Variants in TSHZ2 observed in about 807,000 individuals in gnomAD.
TSHZ2 encodes teashirt zinc finger homeobox 2.
TSHZ2 carries 21 observed loss-of-function variants against 74.4 expected under a neutral mutation model. The ratio of observed to expected loss-of-function variants is 0.28; its 90% CI spans 0.20 to 0.41. The LOEUF is 0.41. TSHZ2 is among the 10% of genes least tolerant of loss of function. The pLI is 1.00. For synonymous variants in TSHZ2, 540 were observed against 515.3 expected (o/e 1.05, Z -0.65); for missense variants, 1,244 against 1,293.5 (o/e 0.96, Z 0.59).
chr20:53,022,969 G>A (rs949511471), intron 1 of TSHZ2, among the ~76,000 whole-genome samples: 1 of 135,518 alleles, frequency 7.4e-6, no homozygotes, highest in African/African-American at 2.5e-5. Flanking sequence ...TGTCTAAACT[G>A]GTTTTCCAGG....
At chr20:53,462,566 C>A (rs188859542) in intron 2 of TSHZ2, among the ~76,000 whole-genome samples, 2 of 152,204 alleles carry the variant, frequency 1.3e-5, no homozygotes, top group Non-Finnish European at 1.5e-5. Flanking sequence ...GAACCTTCTA[C>A]GCAAGCTTCC....
At chr20:53,466,119 T>C (rs776015415) in intron 2 of TSHZ2, among the ~76,000 whole-genome samples, 1 of 152,054 alleles carries the variant, frequency 6.6e-6, no homozygotes, top group African/African-American at 2.4e-5. Flanking sequence ...TGATGGCACA[T>C]GCCTGTAATC....
At chr20:53,466,523 T>C (rs1189620795) in intron 2 of TSHZ2, among the ~76,000 whole-genome samples, 1 of 152,146 alleles carries the variant, frequency 6.6e-6, no homozygotes, top group Non-Finnish European at 1.5e-5. Context: ...GCTGTCCAGG[T>C]TGTTTATGGT....
chr20:52,976,277 C>T (rs906480408), intron 1 of TSHZ2, among the ~76,000 whole-genome samples: 1 of 152,186 alleles, frequency 6.6e-6, no homozygotes, highest in African/African-American at 2.4e-5. Flanking sequence ...AAGGAAACAG[C>T]TAAATCAGAG....
chr20:53,378,115 C>T (rs1021386129), intron 2 of TSHZ2, among the ~76,000 whole-genome samples: 2 of 151,866 alleles, frequency 1.3e-5, no homozygotes, highest in Admixed American at 6.6e-5. Context: ...CCGAGGCGGG[C>T]GATCACCTGA....
chr20:52,992,664 A>G (rs749902473), intron 1 of TSHZ2, among the ~76,000 whole-genome samples: 13 of 152,196 alleles, frequency 8.5e-5, no homozygotes, highest in South Asian at 2.1e-4. Flanking sequence ...TTTTCTTTAA[A>G]AGAGGTGAAA....
At chr20:53,098,417 T>G (rs1438270270) in intron 1 of TSHZ2, among the ~76,000 whole-genome samples, 1 of 152,204 alleles carries the variant, frequency 6.6e-6, no homozygotes, top group Non-Finnish European at 1.5e-5. Flanking sequence ...TCACAGCCAT[T>G]TTGTTCATTC....
chr20:53,107,139 C>T (rs1209134145), intron 1 of TSHZ2, among the ~76,000 whole-genome samples: 2 of 152,166 alleles, frequency 1.3e-5, no homozygotes, highest in Non-Finnish European at 2.9e-5. Flanking sequence ...ATGACTTGAC[C>T]TTCTCCCACA....
intron 1 of TSHZ2, among the ~76,000 whole-genome samples, chr20:53,016,323 A>G (rs992146148): frequency 5.3e-5 from 8 of 152,196 alleles, no homozygotes; most frequent in African/African-American, 1.9e-4. Context: ...CATAACTTCC[A>G]TTAAAGCCTC....
At chr20:53,380,004 T>A (rs1465610577) in intron 2 of TSHZ2, among the ~76,000 whole-genome samples, 1 of 152,126 alleles carries the variant, frequency 6.6e-6, no homozygotes, top group African/African-American at 2.4e-5. Context: ...AAAACTAGTT[T>A]TGTGAAACCG....
intron 1 of TSHZ2, among the ~76,000 whole-genome samples, chr20:53,145,154 G>A (rs767172869): frequency 1.3e-5 from 2 of 152,130 alleles, no homozygotes; most frequent in Admixed American, 6.5e-5. Context: ...TCATCCCAAG[G>A]TTCAAAGCCC....
chr20:53,316,953 A>G (rs878903199), intron 2 of TSHZ2, among the ~76,000 whole-genome samples: 2 of 152,140 alleles, frequency 1.3e-5, no homozygotes, highest in South Asian at 4.1e-4. Flanking sequence ...GCTGCCTACA[A>G]TCCCACCATT....
chr20:52,987,117 C>A (rs1981798161), intron 1 of TSHZ2, among the ~76,000 whole-genome samples: 1 of 152,222 alleles, frequency 6.6e-6, no homozygotes, highest in South Asian at 2.1e-4. Flanking sequence ...GGAATCTCCT[C>A]TCCCAGGATA....
intron 2 of TSHZ2, among the ~76,000 whole-genome samples, chr20:53,420,299 A>C (rs987971623): frequency 6.6e-6 from 1 of 152,202 alleles, no homozygotes; most frequent in African/African-American, 2.4e-5. Context: ...TCAGCCGGGC[A>C]TGCAGATATC....
chr20:53,371,876 A>G (rs1981485054), intron 2 of TSHZ2, among the ~76,000 whole-genome samples: 1 of 137,212 alleles, frequency 7.3e-6, no homozygotes, highest in Non-Finnish European at 1.5e-5. Flanking sequence ...CTCCGTCTCA[A>G]AAAAAAAAAA....
intron 2 of TSHZ2, among the ~76,000 whole-genome samples, chr20:53,463,435 G>A (rs3971379): frequency 0.064 from 7,224 of 113,710 alleles, 469 homozygotes; most frequent in Middle Eastern, 0.075. Flanking sequence ...AGGAAGGAAG[G>A]AGGGAGGGAG....
At chr20:52,978,099 C>T (rs149819473) in intron 1 of TSHZ2, among the ~76,000 whole-genome samples, 88 of 152,226 alleles carry the variant, frequency 5.8e-4, no homozygotes, top group African/African-American at 2.0e-3. Flanking sequence ...GACGTTTATG[C>T]TTTCATTTCA....
At chr20:53,005,992 T>G (rs553031905) in intron 1 of TSHZ2, among the ~76,000 whole-genome samples, 2 of 152,340 alleles carry the variant, frequency 1.3e-5, no homozygotes, top group South Asian at 2.1e-4. Flanking sequence ...AATAGTTAGA[T>G]GATCCTTCAT....
chr20:53,144,063 C>A (rs1180551424), intron 1 of TSHZ2, among the ~76,000 whole-genome samples: 1 of 152,066 alleles, frequency 6.6e-6, no homozygotes, highest in African/African-American at 2.4e-5. Context: ...GCCACAAGAC[C>A]AGATGAGCCA....
Sources: gnomAD v4.1 joint callset for allele counts (sites outside exome capture counted in the v4.1 genomes callset) on GRCh38, gnomAD v4.1.1 for gene constraint, MANE v1.5 for transcripts, NCBI Gene and HGNC (gene_info 2026-07-23, HGNC 2026-07-21) for gene names.